The following CDK6 variants were observed in gnomAD, a reference collection of about 807,000 sequenced individuals.
CDK6 encodes the protein cyclin dependent kinase 6, also known as cyclin-dependent kinase 6.
In CDK6, 6 loss-of-function variants were observed where a neutral mutation model predicts 37.1. The observed-to-expected ratio is 0.16, with a 90% CI of 0.09 to 0.32. The LOEUF is 0.32. CDK6 is among the 10% of genes least tolerant of loss of function. The pLI is 1.00. For synonymous variants in CDK6, 160 were observed against 161.3 expected (o/e 0.99, Z 0.06); for missense variants, 224 against 418.9 (o/e 0.53, Z 4.06).
At chr7:92,807,640 G>C (rs905538907) in intron 2 of CDK6, among the ~76,000 whole-genome samples, 2 of 151,470 alleles carry the variant, frequency 1.3e-5, no homozygotes, top group Admixed American at 6.6e-5. Flanking sequence ...CTTCCTGCTT[G>C]CCCTTCACTA....
chr7:92,754,859 G>T (rs541406676), intron 3 of CDK6, among the ~76,000 whole-genome samples: 5 of 152,150 alleles, frequency 3.3e-5, no homozygotes, highest in Non-Finnish European at 7.4e-5. Context: ...AATGGAAGCC[G>T]TCTGGAGCCC....
intron 2 of CDK6, among the ~76,000 whole-genome samples, chr7:92,779,393 G>C (rs1177236510): frequency 1.3e-5 from 2 of 152,158 alleles, no homozygotes; most frequent in Non-Finnish European, 1.5e-5. Flanking sequence ...AAAGAGATGT[G>C]TAATAGTCCA....
At chr7:92,761,535 C>G (rs746654858) in intron 3 of CDK6, among the ~76,000 whole-genome samples, 55 of 152,172 alleles carry the variant, frequency 3.6e-4, no homozygotes, top group Non-Finnish European at 6.8e-4. Context: ...TTATTTCACT[C>G]ATGACTCCAT....
intron 2 of CDK6, among the ~76,000 whole-genome samples, chr7:92,786,005 G>C (rs1474506903): frequency 1.3e-5 from 2 of 152,182 alleles, no homozygotes; most frequent in African/African-American, 4.8e-5. Context: ...GCTTGAAAAA[G>C]AGATTCTGAT....
At chr7:92,673,294 T>TA (rs1797130922) in intron 4 of CDK6, among the ~76,000 whole-genome samples, 1 of 152,242 alleles carries the variant, frequency 6.6e-6, no homozygotes, top group African/African-American at 2.4e-5. Context: ...ATGACCGTTT[T>TA]AAGTCTTTAG....
At chr7:92,673,737 G>GCCA (rs1797141410) in intron 4 of CDK6, among the ~76,000 whole-genome samples, 1 of 151,884 alleles carries the variant, frequency 6.6e-6, no homozygotes, top group Non-Finnish European at 1.5e-5. Context: ...CTTTCTGTGG[G>GCCA]CTGAACTTTT....
chr7:92,725,493 A>C (rs1798490013), intron 4 of CDK6, 133 bp downstream of exon 4: 1 of 1,103,898 alleles, frequency 9.1e-7, no homozygotes, highest in South Asian at 1.8e-5. Flanking sequence ...ACTGCCATAT[A>C]AAAATGGGCA....
chr7:92,763,751 T>A (rs368878704), intron 3 of CDK6, among the ~76,000 whole-genome samples: 144 of 152,330 alleles, frequency 9.5e-4, no homozygotes, highest in African/African-American at 3.4e-3. Flanking sequence ...GATGTCTGAG[T>A]CATCTCAGAA....
At chr7:92,649,597 T>C (rs1796528382) in intron 5 of CDK6, among the ~76,000 whole-genome samples, 2 of 152,234 alleles carry the variant, frequency 1.3e-5, no homozygotes, top group South Asian at 4.1e-4. Context: ...TACAATGCCA[T>C]TTTGAGCACT....
chr7:92,632,933 CTTTTTT>C (rs397889657), intron 5 of CDK6, among the ~76,000 whole-genome samples: 6 of 108,898 alleles, frequency 5.5e-5, no homozygotes, highest in African/African-American at 1.1e-4. Context: ...CTCTAAAGAT[CTTTTTT>C]TTTTTTTTTT....
chr7:92,716,081 C>T lies in CDK6; in HGVS notation c.537+9545G>A, dbSNP rs190570447. The stretch of plus-strand genomic sequence containing the variant: ...AGCTCAAGTTATTATCAAGGAGTGA[C>T]GCAGGCAATTGGGAAGATTAGTTGA... On this transcript the variant is annotated intron_variant, in intron 4 of 7. Transcript: ENST00000424848. 1.1e-3 allele frequency among the ~76,000 whole-genome samples: 170 copies of T among 152,130 alleles called. 1 individual carries two copies. The highest frequency in any genetic ancestry group is 1.9e-3 in the Non-Finnish European group (129 of 68,006).
At chr7:92,813,406 T>C (rs950563442) in intron 2 of CDK6, among the ~76,000 whole-genome samples, 1 of 152,204 alleles carries the variant, frequency 6.6e-6, no homozygotes, top group Non-Finnish European at 1.5e-5. Flanking sequence ...CCCCCACATA[T>C]CTAAGTGCAA....
intron 2 of CDK6, among the ~76,000 whole-genome samples, chr7:92,807,847 G>T (rs1214914379): frequency 6.6e-6 from 1 of 152,072 alleles, no homozygotes; most frequent in East Asian, 1.9e-4. Flanking sequence ...GCAAGCATAG[G>T]CATCATTCAT....
chr7:92,693,622 T>C (rs1242256338), intron 4 of CDK6, among the ~76,000 whole-genome samples: 1 of 152,248 alleles, frequency 6.6e-6, no homozygotes, highest in Admixed American at 6.5e-5. Flanking sequence ...TCGATGCTTG[T>C]TGAAAAGAAT....
Position 92,612,312 on chromosome 7 carries a change from CT to C in CDK6, c.*2827del, listed in dbSNP as rs1795579041. ...CAGTGTAACCTTGGGGCAATATGCC[CT>C]TTTCAGTTCACCACTGCTTAGCTTT... On this transcript the variant is annotated 3_prime_UTR_variant, in exon 8 of 8. Transcript: ENST00000424848. The C allele has an allele frequency of 4.3e-6, 1 of 233,038 alleles. No individual in the cohort carries two copies. The highest frequency in any genetic ancestry group is 8.5e-6 in the Non-Finnish European group (1 of 117,990). 14.4% of individuals were successfully genotyped at this position (233,038 alleles called of 1,614,324 possible).
intron 4 of CDK6, among the ~76,000 whole-genome samples, chr7:92,672,206 C>CACACAG (rs1797101274): frequency 7.8e-6 from 1 of 127,460 alleles, no homozygotes; most frequent in Middle Eastern, 3.5e-3. Context: ...CACACACACA[C>CACACAG]ACACACACAC....
intron 4 of CDK6, among the ~76,000 whole-genome samples, chr7:92,684,298 A>C (rs1257049375): frequency 1.3e-5 from 2 of 152,222 alleles, no homozygotes; most frequent in East Asian, 3.8e-4. Flanking sequence ...TTACAATAAA[A>C]AAGTTTGTAT....
At chr7:92,738,511 T>C (rs985449293) in intron 3 of CDK6, among the ~76,000 whole-genome samples, 15 of 151,906 alleles carry the variant, frequency 9.9e-5, no homozygotes, top group Admixed American at 9.2e-4. Context: ...TGGTGGTGCA[T>C]GCCTGTAATC....
chr7:92,665,267 T>G (rs140340085), intron 5 of CDK6, among the ~76,000 whole-genome samples: 8 of 150,826 alleles, frequency 5.3e-5, no homozygotes, highest in Non-Finnish European at 1.2e-4. Context: ...AACCATCCAA[T>G]CATCCATCCA....
Sources: allele counts gnomAD v4.1 joint callset (sites outside exome capture counted in the v4.1 genomes callset), GRCh38; gene constraint gnomAD v4.1.1; transcripts MANE v1.5; gene names NCBI Gene and HGNC (gene_info 2026-07-23, HGNC 2026-07-21).